Variants in NBPF3 observed in about 807,000 individuals in gnomAD.
NBPF3 encodes NBPF member 3.
A neutral mutation model predicts 78.1 loss-of-function variants in NBPF3; 57 were observed. That is an observed-to-expected ratio of 0.73 (90% CI 0.59 to 0.91). The LOEUF is 0.91. Among genes scored for constraint, NBPF3 ranks in the 40% least tolerant of loss-of-function variants. The probability of loss-of-function intolerance (pLI) is 0.00; values close to 1 mark genes in which losing one functional copy is unlikely to be tolerated. For missense variants in NBPF3, 510 were observed against 715.3 expected (o/e 0.71, Z 3.27); for synonymous variants, 182 against 271.7 (o/e 0.67, Z 3.25).
At chr1:21,442,339 C>G (rs567504175) in intron 1 of NBPF3, 1 of 152,278 alleles carries the variant, frequency 6.6e-6, no homozygotes, top group Admixed American at 6.5e-5. Context: ...CCTCAGCCCC[C>G]AAGTAGCTGG....
Position 21,478,238 on chromosome 1 carries a change from T to C in NBPF3, c.1087T>C (p.Tyr363His), listed in dbSNP as rs1488905362. ...AATTCCTCCTGACATGTCTGCCTCA[T>C]ACCAGTCTGACAGGAGCACCTTTCA... is the stretch of plus-strand genomic sequence containing the variant. Reference protein sequence around the residue: ...LSIPPDMSASYQSDRSTFHSV... With the variant: ...LSIPPDMSASHQSDRSTFHSV... Residue 363 changes from tyrosine (Y) to histidine (H), a missense_variant, in exon 9 of 15, where the codon TAC (tyrosine) becomes CAC (histidine). By Grantham distance (83) the Tyr-to-His change is moderately conservative (BLOSUM62 2). This residue lies in a region of NBPF3 where 440 missense variants were observed against 478.2 expected (regional missense o/e 0.92). Coordinates refer to ENST00000318249, the MANE Select transcript of NBPF3 (RefSeq NM_032264.6). 1 of 1,614,180 alleles carries C rather than the reference T, an allele frequency of 6.2e-7. No homozygotes were observed. The highest frequency in any genetic ancestry group is 8.5e-7 in the Non-Finnish European group (1 of 1,180,026).
rs550510864 is a variant in NBPF3 at position 21,447,674 on chromosome 1, C to A, written c.133+2455C>A. Among the ~76,000 whole-genome samples the A allele has an allele frequency of 4.6e-5, 7 of 152,256 alleles. No homozygotes were observed. In the South Asian group the frequency reaches 1.0e-3, roughly 23 times the overall value. ...TTGGTGAAAGACATCTTGGGTACTT[C>A]CAAGTTTTGGCAATTATGAATAAAA... is the stretch of plus-strand genomic sequence containing the variant. On this transcript the variant is annotated intron_variant, in intron 2 of 14. Transcript: ENST00000318249.
intron 3 of NBPF3, among the ~76,000 whole-genome samples, chr1:21,470,149 A>C (rs1219237299): frequency 6.6e-6 from 1 of 152,206 alleles, no homozygotes; most frequent in Non-Finnish European, 1.5e-5. Flanking sequence ...TCTTAAAATC[A>C]CATCTAAAGC....
chr1:21,437,977 A>AC (rs1194175789), upstream of NBPF3, among the ~76,000 whole-genome samples: 1 of 151,332 alleles, frequency 6.6e-6, no homozygotes. Flanking sequence ...ATGCACCAAC[A>AC]CCCCCGGCTA....
intron 2 of NBPF3, among the ~76,000 whole-genome samples, chr1:21,465,004 C>CAAAAAAAAAAAAA (rs10531760): frequency 1.0e-5 from 1 of 99,276 alleles, no homozygotes; most frequent in Non-Finnish European, 2.0e-5. Flanking sequence ...GACCCTGTCT[C>CAAAAAAAAAAAAA]AAAAAAAAAA....
chr1:21,470,433 TC>T (rs1642521310), intron 3 of NBPF3, among the ~76,000 whole-genome samples, 198 bp from the exon 4 acceptor site: 1 of 152,206 alleles, frequency 6.6e-6, no homozygotes, highest in South Asian at 2.1e-4. Flanking sequence ...GCCTTGAGTT[TC>T]TCTTCGTCTC....
intron 2 of NBPF3, among the ~76,000 whole-genome samples, chr1:21,462,420 ATACTC>A (rs1445484346): frequency 6.6e-6 from 1 of 152,182 alleles, no homozygotes; most frequent in Non-Finnish European, 1.5e-5. Flanking sequence ...TTTTTGCAGT[ATACTC>A]TATGCAAATT....
At position 21,458,263 on chromosome 1, in the gene NBPF3, A is replaced by G. The variant is rs375445652; in HGVS notation, c.134-10425A>G. On this transcript the variant is annotated intron_variant, in intron 2 of 14. Coordinates refer to ENST00000318249, the MANE Select transcript of NBPF3 (RefSeq NM_032264.6). The stretch of plus-strand genomic sequence containing the variant: ...TTAATACTAAATGACTCCTGTTAAG[A>G]ATGTCTTCGTTATTTTGTCATGCTT... Among the ~76,000 whole-genome samples, 37 of 152,040 alleles carry G rather than the reference A, an allele frequency of 2.4e-4. 2 individuals carry two copies. Among genetic ancestry groups the G allele is most frequent in the African/African-American group, 8.2e-4 (34 of 41,430 alleles).
chr1:21,436,835 GT>G, upstream of NBPF3: 1 of 963,146 alleles, frequency 1.0e-6, no homozygotes, highest in Non-Finnish European at 1.4e-6. The surrounding 1 kb of genome is among the most constrained non-coding windows in gnomAD (Gnocchi z 4.3). Flanking sequence ...AGCGTTCTGG[GT>G]GCAGCCAGAG....
chr1:21,462,720 G>A (rs1338172533), intron 2 of NBPF3, among the ~76,000 whole-genome samples: 1 of 152,220 alleles, frequency 6.6e-6, no homozygotes, highest in Non-Finnish European at 1.5e-5. Context: ...GAATCAGTTT[G>A]ATCTAATGGT....
upstream of NBPF3, chr1:21,437,331 T>C (rs1048876841): frequency 3.9e-5 from 17 of 438,336 alleles, no homozygotes; most frequent in Admixed American, 8.3e-5. Context: ...GGGGCTTTGA[T>C]TGGAGTTGTC....
chr1:21,451,870 C>G, intron 2 of NBPF3: 1 of 941,862 alleles, frequency 1.1e-6, no homozygotes, highest in South Asian at 3.7e-5. Context: ...TGCCATGAAG[C>G]AGCCGCCAGT....
intron 5 of NBPF3, 108 bp from the exon 6 acceptor site, chr1:21,472,735 C>G: frequency 1.2e-6 from 1 of 837,528 alleles, no homozygotes; most frequent in South Asian, 1.4e-5. Flanking sequence ...GAGCTTTCAG[C>G]TGAACAGTGA....
intron 13 of NBPF3, among the ~76,000 whole-genome samples, chr1:21,482,150 G>T (rs1206213866): frequency 6.6e-6 from 1 of 150,616 alleles, no homozygotes; most frequent in Non-Finnish European, 1.5e-5. Flanking sequence ...GATGAGACAG[G>T]GCTGAATATT....
chr1:21,472,449 G>A (rs1016204423), intron 5 of NBPF3, among the ~76,000 whole-genome samples: 1 of 152,208 alleles, frequency 6.6e-6, no homozygotes, highest in Non-Finnish European at 1.5e-5. Flanking sequence ...ATAGAGGACT[G>A]TAGGGCAAGT....
At chr1:21,459,098 T>C (rs1328414631) in intron 2 of NBPF3, among the ~76,000 whole-genome samples, 1 of 152,158 alleles carries the variant, frequency 6.6e-6, no homozygotes, top group African/African-American at 2.4e-5. Flanking sequence ...GAAGACTAAA[T>C]AGAGAAATAT....
intron 10 of NBPF3, among the ~76,000 whole-genome samples, chr1:21,479,639 G>A (rs1425912761): frequency 6.6e-6 from 1 of 152,002 alleles, no homozygotes; most frequent in Non-Finnish European, 1.5e-5. Context: ...TATTCTCATG[G>A]TGACTGCAGG....
intron 4 of NBPF3, 91 bp downstream of exon 4, chr1:21,470,825 G>A: frequency 1.3e-6 from 1 of 789,644 alleles, no homozygotes; most frequent in Non-Finnish European, 2.1e-6. Context: ...AGCTGAACTG[G>A]GCCAGGGGAA....
upstream of NBPF3, chr1:21,437,326 T>G: frequency 2.3e-6 from 1 of 428,900 alleles, no homozygotes; most frequent in Non-Finnish European, 4.1e-6. Context: ...GGGTGGGGGC[T>G]TTGATTGGAG....
Sources: allele counts gnomAD v4.1 joint callset (sites outside exome capture counted in the v4.1 genomes callset), GRCh38; gene constraint gnomAD v4.1.1; regional missense constraint gnomAD v4.1.1; non-coding constraint Gnocchi (gnomAD v3.1); transcripts MANE v1.5; gene names NCBI Gene and HGNC (gene_info 2026-07-23, HGNC 2026-07-21).